MLLT1: variants seen among roughly 807,000 people sequenced by gnomAD.
MLLT1 encodes protein ENL.
In MLLT1, 11 loss-of-function variants were observed where a neutral mutation model predicts 55.1. That is an observed-to-expected ratio of 0.20 (90% CI 0.13 to 0.33). The LOEUF (loss-of-function observed/expected upper bound fraction) is 0.33. MLLT1 is among the 10% of genes least tolerant of loss of function. The pLI, the probability that MLLT1 is intolerant of heterozygous loss-of-function variation, is 1.00. For synonymous variants in MLLT1, 323 were observed against 320.1 expected (o/e 1.01, Z -0.10); for missense variants, 536 against 760.6 (o/e 0.70, Z 3.47).
At chr19:6,213,543 A>G in intron 10 of MLLT1, 135 bp from the exon 11 acceptor site, 1 of 1,008,382 alleles carries the variant, frequency 9.9e-7, no homozygotes, top group Non-Finnish European at 1.5e-6. Flanking sequence ...GGAAGGCCCA[A>G]GGCTGCAGGG....
rs1011393890 is a variant in MLLT1, at chr19:6,212,614, G to A, written c.*428C>T. On this transcript the variant is annotated 3_prime_UTR_variant, in exon 12 of 12. Coordinates refer to ENST00000252674, the MANE Select transcript of MLLT1 (RefSeq NM_005934.4). ...GGCCTTCTGAGGTCCAGGGTGGGCG[G>A]AGGGTGTGTTCTGAACCATTCGGGA... is the stretch of plus-strand genomic sequence containing the variant. 1 of 1,094,038 alleles carries A rather than the reference G, an allele frequency of 9.1e-7. No homozygotes were observed. Among genetic ancestry groups the A allele is most frequent in the African/African-American group, 1.6e-5 (1 of 61,288 alleles). 67.8% of individuals were successfully genotyped at this position (1,094,038 alleles called of 1,614,324 possible).
At chr19:6,254,180 T>C (rs2091240553) in intron 3 of MLLT1, among the ~76,000 whole-genome samples, 1 of 152,166 alleles carries the variant, frequency 6.6e-6, no homozygotes, top group Non-Finnish European at 1.5e-5. Flanking sequence ...TAATCACCAA[T>C]GGCCAATGGT....
intron 3 of MLLT1, among the ~76,000 whole-genome samples, chr19:6,258,826 T>C (rs2091279831): frequency 6.6e-6 from 1 of 152,198 alleles, no homozygotes; most frequent in South Asian, 2.1e-4. Context: ...TCAACCTCCT[T>C]TGGGCCCTCT....
chr19:6,260,847 A>AAAAAC (rs2091298811), intron 3 of MLLT1, among the ~76,000 whole-genome samples: 1 of 152,226 alleles, frequency 6.6e-6, no homozygotes, highest in Non-Finnish European at 1.5e-5. Flanking sequence ...CCTTGTCTCT[A>AAAAAC]AAAACAAAAC....
chr19:6,264,838 T>C (rs1462157208), intron 2 of MLLT1, among the ~76,000 whole-genome samples: 1 of 135,064 alleles, frequency 7.4e-6, no homozygotes, highest in African/African-American at 2.8e-5. Flanking sequence ...GAGGTTGCAG[T>C]GAGCCAAGAT....
chr19:6,210,672 G>T lies in MLLT1; in HGVS notation c.*2370C>A. 4.4e-6 allele frequency: 1 copy of T among 228,948 alleles called. No individual in the cohort carries two copies. 14.2% of individuals were successfully genotyped at this position (228,948 alleles called of 1,614,324 possible). On this transcript the variant is annotated 3_prime_UTR_variant, in exon 12 of 12. Transcript: ENST00000252674. This position sits in a 1 kb window ranked among gnomAD's most constrained non-coding sequence, Gnocchi z 4.6. ...AGGAGAGAGCAAAACACAGAGATTT[G>T]CACTGGGGGCAGGCGGCTTAACAGG... is the stretch of plus-strand genomic sequence containing the variant.
At chr19:6,254,981 GAA>G (rs5826924) in intron 3 of MLLT1, among the ~76,000 whole-genome samples, 3,126 of 135,908 alleles carry the variant, frequency 0.023, 110 homozygotes, top group East Asian at 0.16. Context: ...ATCAACAAAA[GAA>G]AAAAAAAAAA....
chr19:6,265,964 G>A lies in MLLT1; in HGVS notation c.194-3654C>T, dbSNP rs527950434. Among the ~76,000 whole-genome samples, 491 of 152,188 alleles carry A rather than the reference G, an allele frequency of 3.2e-3. 3 individuals are homozygous for A. Among genetic ancestry groups the A allele is most frequent in the Non-Finnish European group, 5.8e-3 (396 of 68,016 alleles). ...ACTGCACTCCAGCCTGGGCGACAGA[G>A]TGAGACTCTGTTTCAAAAAAAGTTT... On this transcript the variant is annotated intron_variant, in intron 2 of 11. Coordinates refer to ENST00000252674, the MANE Select transcript of MLLT1 (RefSeq NM_005934.4).
At position 6,219,944 on chromosome 19, in the gene MLLT1, G is replaced by A. The variant is rs957724220; in HGVS notation, c.1111-1903C>T. Among the ~76,000 whole-genome samples, 1 of 152,244 alleles carries A rather than the reference G, an allele frequency of 6.6e-6. No individual in the cohort carries two copies. Among genetic ancestry groups the A allele is most frequent in the Non-Finnish European group, 1.5e-5 (1 of 68,044 alleles). On this transcript the variant is annotated intron_variant, in intron 6 of 11. Coordinates refer to ENST00000252674, the MANE Select transcript of MLLT1 (RefSeq NM_005934.4). The surrounding 1 kb of genome is among the most constrained non-coding windows in gnomAD (Gnocchi z 4.5). ...AATCCGGAAATGGTCTCAGCCAGAAGAGCCCTAAGGTGGTGTGATCAGAAG... is the reference window on the plus strand; with the variant it reads ...AATCCGGAAATGGTCTCAGCCAGAAAAGCCCTAAGGTGGTGTGATCAGAAG...
chr19:6,254,901 G>C (rs947086351), intron 3 of MLLT1, among the ~76,000 whole-genome samples: 1 of 147,614 alleles, frequency 6.8e-6, no homozygotes, highest in Non-Finnish European at 1.5e-5. Flanking sequence ...ATCCAAACTG[G>C]AACCTCTATT....
chr19:6,244,973 C>A (rs34759608), intron 3 of MLLT1, among the ~76,000 whole-genome samples: 8 of 152,068 alleles, frequency 5.3e-5, no homozygotes, highest in Non-Finnish European at 8.8e-5. Context: ...AATCAGAACC[C>A]TCATACCCGG....
chr19:6,260,740 G>A (rs2091297710), intron 3 of MLLT1, among the ~76,000 whole-genome samples: 1 of 152,262 alleles, frequency 6.6e-6, no homozygotes, highest in African/African-American at 2.4e-5. Context: ...CAGCTACTTG[G>A]GAGGCTGAGG....
chr19:6,258,619 G>A (rs559820717), intron 3 of MLLT1, among the ~76,000 whole-genome samples: 77 of 152,324 alleles, frequency 5.1e-4, no homozygotes, highest in Admixed American at 1.3e-3. Flanking sequence ...CCTCAGTTAC[G>A]TTCTAATGCC....
chr19:6,233,455 G>C (rs112491166), intron 3 of MLLT1, among the ~76,000 whole-genome samples: 3,181 of 152,314 alleles, frequency 0.021, 42 homozygotes, highest in Middle Eastern at 0.051. Flanking sequence ...CCCAGCCCCA[G>C]GCGGGGAGGT....
intron 3 of MLLT1, among the ~76,000 whole-genome samples, chr19:6,250,592 GC>G (rs1357811579): frequency 6.6e-6 from 1 of 152,170 alleles, no homozygotes; most frequent in Non-Finnish European, 1.5e-5. Flanking sequence ...CGAATACAAT[GC>G]CTACACATCA....
chr19:6,267,008 T>G (rs1279903767), intron 2 of MLLT1, among the ~76,000 whole-genome samples: 1 of 152,074 alleles, frequency 6.6e-6, no homozygotes, highest in Admixed American at 6.5e-5. Context: ...CTGACACCTG[T>G]AAACTCAGCT....
chr19:6,251,411 A>C (rs894719741), intron 3 of MLLT1, among the ~76,000 whole-genome samples: 5 of 152,182 alleles, frequency 3.3e-5, no homozygotes, highest in African/African-American at 1.2e-4. Flanking sequence ...ATAAATATTT[A>C]GCAAGTGCTA....
intron 2 of MLLT1, among the ~76,000 whole-genome samples, chr19:6,265,042 AAAAAAACAAAAAAAC>A (rs1281968552): frequency 1.9e-5 from 1 of 52,926 alleles, no homozygotes; most frequent in Non-Finnish European, 4.5e-5. Flanking sequence ...GAACAGCAAA[AAAAAAACAAAAAAAC>A]AAAAAAACAA....
At chr19:6,243,826 G>A (rs1256349880) in intron 3 of MLLT1, among the ~76,000 whole-genome samples, 2 of 152,022 alleles carry the variant, frequency 1.3e-5, no homozygotes, top group East Asian at 1.9e-4. Context: ...GGTGGATCAC[G>A]AGGTCAGGAA....
Sources: gnomAD v4.1 joint callset for allele counts (sites outside exome capture counted in the v4.1 genomes callset) on GRCh38, gnomAD v4.1.1 for gene constraint, Gnocchi (gnomAD v3.1) non-coding constraint, MANE v1.5 for transcripts, NCBI Gene and HGNC (gene_info 2026-07-23, HGNC 2026-07-21) for gene names.